Variants in PTPRD observed in about 807,000 individuals in gnomAD.
The protein encoded by PTPRD is protein tyrosine phosphatase receptor type D.
Under a neutral mutation model 214.5 loss-of-function variants are expected in PTPRD, and 34 were observed. The ratio of observed to expected loss-of-function variants is 0.16; its 90% CI spans 0.12 to 0.21. The LOEUF is 0.21. PTPRD is among the 10% of genes least tolerant of loss of function. The pLI, the probability that PTPRD is intolerant of heterozygous loss-of-function variation, is 1.00. For synonymous variants in PTPRD, 1,128 were observed against 845.7 expected, an observed-to-expected ratio of 1.33 and a Z score of -5.79; for missense variants, 2,545 against 2,398.7, an observed-to-expected ratio of 1.06 and a Z score of -1.27.
chr9:9,216,359 A>G lies in PTPRD; in HGVS notation c.-202-32996T>C, dbSNP rs551207954. On this transcript the variant is annotated intron_variant, in intron 9 of 45. Transcript: ENST00000381196. ...CTACCTCAGTTTTCTCCTCTATGAT[A>G]TGGAGCTAATTATACTACTTGCTTC... Among the ~76,000 whole-genome samples the G allele has an allele frequency of 1.7e-3, 266 of 152,272 alleles. 1 individual carries two copies. The highest frequency in any genetic ancestry group is 6.0e-3 in the African/African-American group (251 of 41,564).
chr9:10,393,012 C>T (rs994780319), intron 2 of PTPRD, among the ~76,000 whole-genome samples: 1 of 151,638 alleles, frequency 6.6e-6, no homozygotes, highest in African/African-American at 2.4e-5. Context: ...TTGGACTTTC[C>T]ATTGTGAGCC....
At chr9:10,538,187 T>C (rs1372996769) in intron 2 of PTPRD, among the ~76,000 whole-genome samples, 2 of 151,608 alleles carry the variant, frequency 1.3e-5, no homozygotes, top group Admixed American at 6.6e-5. Flanking sequence ...GGCTTATCCA[T>C]CCTTGGCCAT....
At chr9:10,233,398 G>A (rs1002032927) in intron 3 of PTPRD, among the ~76,000 whole-genome samples, 6 of 151,954 alleles carry the variant, frequency 3.9e-5, no homozygotes, top group African/African-American at 1.4e-4. Context: ...TAAAGAGGCG[G>A]ATGTTTTGAA....
intron 11 of PTPRD, among the ~76,000 whole-genome samples, chr9:8,787,199 T>G (rs551516227): frequency 6.6e-6 from 1 of 152,168 alleles, no homozygotes; most frequent in Non-Finnish European, 1.5e-5. Flanking sequence ...TCCTTTTCCA[T>G]AGTTACCTTG....
chr9:8,638,103 CTT>C (rs963311950), intron 12 of PTPRD, among the ~76,000 whole-genome samples: 1,288 of 126,986 alleles, frequency 0.01, 19 homozygotes, highest in African/African-American at 0.033. Context: ...GCTGTTCCTT[CTT>C]TTTTTTTTTT....
chr9:9,703,974 TC>T (rs1287327705), intron 7 of PTPRD, among the ~76,000 whole-genome samples: 1 of 152,166 alleles, frequency 6.6e-6, no homozygotes, highest in African/African-American at 2.4e-5. Context: ...AGCCCTGATC[TC>T]CCAGGCTCAA....
intron 9 of PTPRD, among the ~76,000 whole-genome samples, chr9:9,339,120 A>C (rs934058384): frequency 6.6e-6 from 1 of 152,166 alleles, no homozygotes; most frequent in Non-Finnish European, 1.5e-5. Context: ...TGAACAACAC[A>C]ATGACCTATA....
intron 9 of PTPRD, among the ~76,000 whole-genome samples, chr9:9,200,914 CA>C (rs2099941465): frequency 6.6e-6 from 1 of 152,160 alleles, no homozygotes; most frequent in African/African-American, 2.4e-5. Context: ...TTTCCTAATT[CA>C]AAAGAAGCTA....
intron 3 of PTPRD, among the ~76,000 whole-genome samples, chr9:10,274,145 C>T (rs2094557508): frequency 6.6e-6 from 1 of 152,122 alleles, no homozygotes; most frequent in Admixed American, 6.5e-5. Context: ...ATATTTAATG[C>T]TCCCATTACA....
intron 11 of PTPRD, among the ~76,000 whole-genome samples, chr9:8,941,856 A>G (rs1307548071): frequency 6.6e-6 from 1 of 152,144 alleles, no homozygotes; most frequent in African/African-American, 2.4e-5. Flanking sequence ...CCTAGGCTGG[A>G]GTGCAATGGC....
At chr9:8,973,801 T>G (rs1160934033) in intron 11 of PTPRD, among the ~76,000 whole-genome samples, 1 of 152,176 alleles carries the variant, frequency 6.6e-6, no homozygotes, top group Non-Finnish European at 1.5e-5. Flanking sequence ...TGATTTGTAT[T>G]TCTCTGATGA....
At chr9:10,586,761 A>G (rs2132659556) in intron 2 of PTPRD, among the ~76,000 whole-genome samples, 1 of 149,300 alleles carries the variant, frequency 6.7e-6, no homozygotes, top group South Asian at 2.1e-4. Flanking sequence ...TTGTGTTTGC[A>G]CATACATGCT....
intron 10 of PTPRD, among the ~76,000 whole-genome samples, chr9:9,098,685 A>C (rs956524718): frequency 2.0e-5 from 3 of 152,212 alleles, no homozygotes; most frequent in African/African-American, 7.2e-5. Context: ...GACTTACATA[A>C]ACTCTTGGCA....
intron 11 of PTPRD, among the ~76,000 whole-genome samples, chr9:8,812,871 T>C (rs7855709): frequency 0.21 from 31,488 of 151,808 alleles, 3,891 homozygotes; most frequent in East Asian, 0.42. Flanking sequence ...ATATGTAACA[T>C]AGCCTGATGC....
At chr9:9,517,370 T>C (rs1352866318) in intron 8 of PTPRD, among the ~76,000 whole-genome samples, 3 of 152,076 alleles carry the variant, frequency 2.0e-5, no homozygotes, top group African/African-American at 7.2e-5. Flanking sequence ...TTTGTTTCTG[T>C]AAAGATGAGG....
intron 2 of PTPRD, among the ~76,000 whole-genome samples, chr9:10,370,382 C>G (rs542923414): frequency 2.0e-4 from 30 of 152,114 alleles, no homozygotes; most frequent in African/African-American, 6.5e-4. Context: ...AAGACACTAA[C>G]GCTGTGAAAT....
intron 8 of PTPRD, among the ~76,000 whole-genome samples, chr9:9,547,795 TTC>T (rs1491455914): frequency 1.3e-5 from 1 of 79,566 alleles, no homozygotes; most frequent in Non-Finnish European, 2.7e-5. Context: ...TAAACACAAA[TTC>T]ACACACACAC....
chr9:10,595,289 T>C (rs1044806846), intron 2 of PTPRD, among the ~76,000 whole-genome samples: 6 of 151,808 alleles, frequency 4.0e-5, no homozygotes, highest in Non-Finnish European at 7.4e-5. Context: ...AAAAGTAAAT[T>C]AAAAATAAAA....
chr9:8,833,653 T>A (rs1260562992), intron 11 of PTPRD, among the ~76,000 whole-genome samples: 1 of 149,982 alleles, frequency 6.7e-6, no homozygotes, highest in East Asian at 2.0e-4. Flanking sequence ...ACAGGCACCA[T>A]TCACAACATT....
Sources: gnomAD v4.1 joint callset for allele counts (sites outside exome capture counted in the v4.1 genomes callset) on GRCh38, gnomAD v4.1.1 for gene constraint, MANE v1.5 for transcripts, NCBI Gene and HGNC (gene_info 2026-07-23, HGNC 2026-07-21) for gene names.